The following SFMBT1 variants were observed in gnomAD, a reference collection of about 807,000 sequenced individuals.
SFMBT1 encodes scm-like with four MBT domains protein 1.
SFMBT1 carries 32 observed loss-of-function variants against 108.7 expected under a neutral mutation model. The observed-to-expected ratio is 0.29, with a 90% CI of 0.22 to 0.40. SFMBT1 has a LOEUF of 0.40. Among genes scored for constraint, SFMBT1 ranks in the 10% least tolerant of loss-of-function variants. The pLI is 1.00. For synonymous variants in SFMBT1, 348 were observed against 369.5 expected, an observed-to-expected ratio of 0.94 and a Z score of 0.67; for missense variants, 816 against 1,059.6, an observed-to-expected ratio of 0.77 and a Z score of 3.19.
chr3:52,979,501 G>C (rs1704634162), intron 1 of SFMBT1, among the ~76,000 whole-genome samples: 1 of 152,140 alleles, frequency 6.6e-6, no homozygotes. Flanking sequence ...GATCACACAT[G>C]GGAGGTTTTC....
At chr3:53,041,181 A>G (rs1700040382) in intron 1 of SFMBT1, among the ~76,000 whole-genome samples, 1 of 151,664 alleles carries the variant, frequency 6.6e-6, no homozygotes, top group South Asian at 2.1e-4. Context: ...AGAGAACTAA[A>G]TAAGGTTATA....
chr3:53,003,944 A>AT (rs1264330894), intron 1 of SFMBT1, among the ~76,000 whole-genome samples: 2 of 149,824 alleles, frequency 1.3e-5, no homozygotes, highest in African/African-American at 4.8e-5. Context: ...CATTAGCTAG[A>AT]TATTTCCAAT....
Position 52,989,334 on chromosome 3 carries a change from C to T in SFMBT1, c.-130-20076G>A, listed in dbSNP as rs151216653. ...TATAAGAAACATGCCTTTTGGGAGG[C>T]TGAGGCAGGAGAATGGTGTGTGAAC... On this transcript the variant is annotated intron_variant, in intron 1 of 20. Transcript: ENST00000394752. Among the ~76,000 whole-genome samples the T allele has an allele frequency of 2.2e-3, 332 of 150,354 alleles. 1 individual carries two copies. Among genetic ancestry groups the T allele is most frequent in the African/African-American group, 7.1e-3 (291 of 40,822 alleles).
At chr3:53,026,939 C>T (rs1699512949) in intron 1 of SFMBT1, among the ~76,000 whole-genome samples, 1 of 152,118 alleles carries the variant, frequency 6.6e-6, no homozygotes, top group Admixed American at 6.6e-5. Flanking sequence ...CGTGCCACCG[C>T]ACCTGGCTAA....
intron 1 of SFMBT1, among the ~76,000 whole-genome samples, chr3:53,005,318 G>A (rs1397942780): frequency 6.6e-6 from 1 of 152,082 alleles, no homozygotes; most frequent in Non-Finnish European, 1.5e-5. Context: ...GGGTTTTTTT[G>A]TTTGTTTAAG....
At chr3:52,948,012 G>C (rs1222982099) in intron 3 of SFMBT1, among the ~76,000 whole-genome samples, 1 of 152,198 alleles carries the variant, frequency 6.6e-6, no homozygotes, top group Non-Finnish European at 1.5e-5. Context: ...TGGGATTATA[G>C]GCGTGAGACA....
chr3:53,009,662 C>G (rs1323878537), intron 1 of SFMBT1, among the ~76,000 whole-genome samples: 1 of 152,230 alleles, frequency 6.6e-6, no homozygotes, highest in Middle Eastern at 3.4e-3. Flanking sequence ...ACTGCCCTCA[C>G]AGGAAAAAAT....
At chr3:52,962,429 T>C (rs1703991127) in intron 2 of SFMBT1, among the ~76,000 whole-genome samples, 1 of 152,236 alleles carries the variant, frequency 6.6e-6, no homozygotes. Context: ...TATATACTGA[T>C]GTGGAATAAT....
At chr3:53,035,754 G>A (rs895984456) in intron 1 of SFMBT1, among the ~76,000 whole-genome samples, 8 of 152,096 alleles carry the variant, frequency 5.3e-5, no homozygotes, top group South Asian at 2.1e-4. Flanking sequence ...ATGTCACCAC[G>A]CCCAGCTAAT....
At chr3:53,029,360 G>T (rs559945451) in intron 1 of SFMBT1, among the ~76,000 whole-genome samples, 4 of 152,140 alleles carry the variant, frequency 2.6e-5, no homozygotes, top group African/African-American at 9.6e-5. Flanking sequence ...TTTAATGAAG[G>T]ATAATAACTA....
At chr3:53,003,492 G>A (rs368991112) in intron 1 of SFMBT1, among the ~76,000 whole-genome samples, 4 of 150,098 alleles carry the variant, frequency 2.7e-5, no homozygotes, top group African/African-American at 9.7e-5. Context: ...AGTGGGCCAC[G>A]TGTTGATAAT....
At chr3:52,945,456 A>AT (rs1703334330) in intron 3 of SFMBT1, among the ~76,000 whole-genome samples, 2 of 152,044 alleles carry the variant, frequency 1.3e-5, no homozygotes, top group Non-Finnish European at 2.9e-5. Context: ...CCAGTTAATA[A>AT]ATATTGAAAA....
chr3:52,918,576 G>A, intron 12 of SFMBT1, 50 bp from the exon 13 acceptor site: 1 of 1,272,278 alleles, frequency 7.9e-7, no homozygotes, highest in South Asian at 1.4e-5. Flanking sequence ...AAAAGACAAA[G>A]GAAAATTCAT....
intron 1 of SFMBT1, among the ~76,000 whole-genome samples, chr3:53,044,454 T>G (rs976451542): frequency 9.1e-6 from 1 of 109,484 alleles, no homozygotes; most frequent in African/African-American, 2.9e-5. Context: ...GTAACTTTTC[T>G]GACATCGCAA....
chr3:52,943,890 G>A (rs1703274875), intron 3 of SFMBT1, among the ~76,000 whole-genome samples: 1 of 152,188 alleles, frequency 6.6e-6, no homozygotes, highest in African/African-American at 2.4e-5. Flanking sequence ...CATTTTAATA[G>A]CTTTCAACAC....
intron 1 of SFMBT1, among the ~76,000 whole-genome samples, chr3:52,976,458 T>C (rs1028210965): frequency 2.0e-5 from 3 of 152,030 alleles, no homozygotes; most frequent in Non-Finnish European, 2.9e-5. Flanking sequence ...AACCTTACTT[T>C]ATGCTGCCAC....
At chr3:52,934,368 T>C (rs1385158796) in intron 5 of SFMBT1, among the ~76,000 whole-genome samples, 1 of 150,988 alleles carries the variant, frequency 6.6e-6, no homozygotes, top group Non-Finnish European at 1.5e-5. Flanking sequence ...CCACACTAAT[T>C]TAAAAGGACT....
In SFMBT1 at chr3:52,963,252, T is replaced by TC. The variant is rs746623230; in HGVS notation, c.28+5848dup. On this transcript the variant is annotated intron_variant, in intron 2 of 20. Transcript: ENST00000394752. ...TCAGGTGGTCCGCCCGCCTCGCCCT[T>TC]CCAAAGTGCTGGGATTACAGGCATG... Among the ~76,000 whole-genome samples the TC allele has an allele frequency of 1.9e-3, 282 of 152,014 alleles. 1 individual carries two copies. Among genetic ancestry groups the TC allele is most frequent in the Non-Finnish European group, 2.8e-3 (189 of 67,962 alleles).
intron 1 of SFMBT1, among the ~76,000 whole-genome samples, chr3:52,974,833 TAAAAA>T (rs10646648): frequency 1.1e-5 from 1 of 90,710 alleles, no homozygotes; most frequent in African/African-American, 4.1e-5. Flanking sequence ...CTATAAAAAG[TAAAAA>T]AAAAAAAAAA....
Sources: gnomAD v4.1 joint callset for allele counts (sites outside exome capture counted in the v4.1 genomes callset) on GRCh38, gnomAD v4.1.1 for gene constraint, MANE v1.5 for transcripts, NCBI Gene and HGNC (gene_info 2026-07-23, HGNC 2026-07-21) for gene names.